PRUNE2: variants seen among roughly 807,000 people sequenced by gnomAD.
PRUNE2 encodes protein prune homolog 2.
A neutral mutation model predicts 252.0 loss-of-function variants in PRUNE2; 164 were observed. The observed-to-expected ratio is 0.65, with a 90% CI of 0.57 to 0.74. The LOEUF (loss-of-function observed/expected upper bound fraction) is 0.74, where lower values mean the gene tolerates loss of function less well. Among genes scored for constraint, PRUNE2 ranks in the 30% least tolerant of loss-of-function variants. PRUNE2 has a pLI of 0.00. For missense variants in PRUNE2, 3,495 were observed against 3,711.0 expected, an observed-to-expected ratio of 0.94 and a Z score of 1.51; for synonymous variants, 1,292 against 1,350.2, an observed-to-expected ratio of 0.96 and a Z score of 0.94.
chr9:76,703,316 T>A (rs766306823), intron 9 of PRUNE2, 21 bp downstream of exon 9: 9 of 1,541,452 alleles, frequency 5.8e-6, no homozygotes, highest in African/African-American at 1.4e-5. Context: ...GGAAAAAAAA[T>A]AAATCTAGCT....
At chr9:76,880,008 T>C (rs1406365230) in intron 1 of PRUNE2, among the ~76,000 whole-genome samples, 1 of 144,174 alleles carries the variant, frequency 6.9e-6, no homozygotes, top group Non-Finnish European at 1.5e-5. Context: ...CCGCCTCTGG[T>C]GTTCATGCCA....
intron 1 of PRUNE2, among the ~76,000 whole-genome samples, chr9:76,900,739 T>G (rs2063121084): frequency 6.6e-6 from 1 of 152,284 alleles, no homozygotes; most frequent in South Asian, 2.1e-4. Context: ...TTTCCTCTTT[T>G]GCAGCCTTTA....
intron 6 of PRUNE2, among the ~76,000 whole-genome samples, chr9:76,747,082 T>G (rs2050190905): frequency 6.6e-6 from 1 of 152,190 alleles, no homozygotes; most frequent in African/African-American, 2.4e-5. Flanking sequence ...GACTGTGTCC[T>G]TAACTTGAGG....
chr9:76,899,544 C>G (rs1024189975), intron 1 of PRUNE2, among the ~76,000 whole-genome samples: 13 of 152,088 alleles, frequency 8.5e-5, no homozygotes, highest in Admixed American at 3.3e-4. Context: ...TATTGAGCCA[C>G]TACAAAGTGT....
intron 6 of PRUNE2, chr9:76,784,155 G>C (rs1280016007): frequency 6.6e-6 from 1 of 152,176 alleles, no homozygotes; most frequent in Non-Finnish European, 1.5e-5. Context: ...TTGGGTCATC[G>C]ATGAGCCTCG....
At position 76,617,082 on chromosome 9, in the gene PRUNE2, A is replaced by G. The variant is rs192861049; in HGVS notation, c.9236+2258T>C. Among the ~76,000 whole-genome samples, 386 of 152,308 alleles carry G rather than the reference A, an allele frequency of 2.5e-3. 2 individuals are homozygous for G. The highest frequency in any genetic ancestry group is 8.5e-3 in the African/African-American group (355 of 41,570). On this transcript the variant is annotated intron_variant, in intron 18 of 18. Coordinates refer to ENST00000376718, the MANE Select transcript of PRUNE2 (RefSeq NM_015225.3). ...CGGGCAAATGGGCTTAGTTTTCTAT[A>G]AGCAACTTTTTCCTGAGACAGAGCA...
intron 6 of PRUNE2, among the ~76,000 whole-genome samples, chr9:76,807,052 G>GTGTGCGCGCA (rs1554779765): frequency 9.0e-6 from 1 of 111,544 alleles, no homozygotes; most frequent in South Asian, 3.2e-4. Flanking sequence ...GTGTGTGTGT[G>GTGTGCGCGCA]CGCGCGCGCG....
At chr9:76,891,686 G>A (rs917615071) in intron 1 of PRUNE2, among the ~76,000 whole-genome samples, 3 of 152,178 alleles carry the variant, frequency 2.0e-5, no homozygotes, top group African/African-American at 7.2e-5. Flanking sequence ...TTATGTAGAT[G>A]AATCCAAACC....
chr9:76,759,672 C>T (rs1265920946), intron 6 of PRUNE2: 1 of 152,328 alleles, frequency 6.6e-6, no homozygotes, highest in Admixed American at 6.5e-5. Flanking sequence ...AAATCCCCCA[C>T]ATTTACCATC....
At chr9:76,711,479 A>G (rs1173527464) in intron 7 of PRUNE2, 121 bp from the exon 8 acceptor site, 2 of 669,092 alleles carry the variant, frequency 3.0e-6, no homozygotes, top group African/African-American at 3.6e-5. Flanking sequence ...ATCTGTCTGA[A>G]AAAGAAGATC....
At chr9:76,893,093 C>T (rs1443524965) in intron 1 of PRUNE2, among the ~76,000 whole-genome samples, 5 of 152,096 alleles carry the variant, frequency 3.3e-5, no homozygotes, top group Admixed American at 1.3e-4. Context: ...AAAAACAAAA[C>T]GTTAGCCAAG....
intron 6 of PRUNE2, among the ~76,000 whole-genome samples, chr9:76,767,877 C>T (rs1455838820): frequency 5.9e-5 from 9 of 152,194 alleles, no homozygotes; most frequent in South Asian, 4.1e-4. Flanking sequence ...TATGGCTATT[C>T]TCATCTTCCC....
At chr9:76,841,621 TCCG>T (rs1406649937) in intron 4 of PRUNE2, among the ~76,000 whole-genome samples, 5 of 152,130 alleles carry the variant, frequency 3.3e-5, no homozygotes, top group Non-Finnish European at 7.4e-5. Context: ...GATGCTTGAG[TCCG>T]CCATTACTGA....
chr9:76,762,107 A>C (rs2051792144), intron 6 of PRUNE2, among the ~76,000 whole-genome samples: 1 of 152,234 alleles, frequency 6.6e-6, no homozygotes, highest in African/African-American at 2.4e-5. Context: ...TAAGGTTAGC[A>C]ATTTTAAACA....
At chr9:76,695,652 C>T (rs2045311397) in intron 9 of PRUNE2, among the ~76,000 whole-genome samples, 1 of 152,176 alleles carries the variant, frequency 6.6e-6, no homozygotes, top group South Asian at 2.1e-4. Context: ...GGAAAAGAAG[C>T]AACAAATGCC....
At chr9:76,755,453 C>T (rs73460213) in intron 6 of PRUNE2, among the ~76,000 whole-genome samples, 5,835 of 152,074 alleles carry the variant, frequency 0.038, 362 homozygotes, top group African/African-American at 0.13. Context: ...AAAAAAAATA[C>T]TCAGCTTCCT....
intron 1 of PRUNE2, among the ~76,000 whole-genome samples, chr9:76,891,528 G>A (rs1428904815): frequency 6.6e-6 from 1 of 152,180 alleles, no homozygotes; most frequent in African/African-American, 2.4e-5. Flanking sequence ...GTTGCATACT[G>A]TACATCAGAG....
At chr9:76,750,086 G>T (rs1424841952) in intron 6 of PRUNE2, among the ~76,000 whole-genome samples, 1 of 152,090 alleles carries the variant, frequency 6.6e-6, no homozygotes, top group Admixed American at 6.6e-5. Context: ...CAAAGACACA[G>T]AAGCTCCTAT....
intron 6 of PRUNE2, among the ~76,000 whole-genome samples, chr9:76,774,696 T>A (rs1295746746): frequency 6.6e-6 from 1 of 151,984 alleles, no homozygotes; most frequent in Non-Finnish European, 1.5e-5. Flanking sequence ...CGACCTCAGG[T>A]GATCCACCCA....
Sources: gnomAD v4.1 joint callset for allele counts (sites outside exome capture counted in the v4.1 genomes callset) on GRCh38, gnomAD v4.1.1 for gene constraint, MANE v1.5 for transcripts, NCBI Gene and HGNC (gene_info 2026-07-23, HGNC 2026-07-21) for gene names.